DYNC1LI1: variants seen among roughly 807,000 people sequenced by gnomAD.
DYNC1LI1 encodes cytoplasmic dynein 1 light intermediate chain 1.
Under a neutral mutation model 63.8 loss-of-function variants are expected in DYNC1LI1, and 19 were observed. The observed-to-expected ratio is 0.30, with a 90% CI of 0.21 to 0.44. DYNC1LI1 has a LOEUF of 0.44. Among genes scored for constraint, DYNC1LI1 ranks in the 20% least tolerant of loss-of-function variants. The probability of loss-of-function intolerance (pLI) is 1.00; values close to 1 mark genes in which losing one functional copy is unlikely to be tolerated. For missense variants in DYNC1LI1, 565 were observed against 630.2 expected (o/e 0.90, Z 1.11); for synonymous variants, 225 against 232.3 (o/e 0.97, Z 0.28).
chr3:32,538,968 T>TTA (rs1331912416), intron 5 of DYNC1LI1, among the ~76,000 whole-genome samples: 3 of 152,216 alleles, frequency 2.0e-5, no homozygotes, highest in Admixed American at 2.0e-4. Flanking sequence ...TTTGAAAATG[T>TTA]TATGACTCTA....
chr3:32,536,961 A>T (rs375516616), intron 6 of DYNC1LI1, 50 bp downstream of exon 6: 1 of 1,093,426 alleles, frequency 9.1e-7, no homozygotes, highest in African/African-American at 1.6e-5. Flanking sequence ...TTAAAAAACT[A>T]AAACAGGTAA....
At chr3:32,562,022 C>G (rs747180747) in intron 2 of DYNC1LI1, among the ~76,000 whole-genome samples, 1 of 151,948 alleles carries the variant, frequency 6.6e-6, no homozygotes, top group African/African-American at 2.4e-5. Flanking sequence ...TACCTATAAC[C>G]CTAGCACTTT....
In DYNC1LI1 at chr3:32,570,801, G is replaced by A. The variant is rs747625900; in HGVS notation, c.-31C>T. On this transcript the variant is annotated 5_prime_UTR_variant, in exon 1 of 13. Transcript: ENST00000273130. ...TCGGGAATCACACCACTCCCGGCAAGACTAAATGTGCGAGGCGGCTGAGGC... is the reference window on the plus strand; with the variant it reads ...TCGGGAATCACACCACTCCCGGCAAAACTAAATGTGCGAGGCGGCTGAGGC... The A allele has an allele frequency of 3.8e-6, 6 of 1,588,984 alleles. No individual in the cohort carries two copies. Among genetic ancestry groups the A allele is most frequent in the African/African-American group, 2.7e-5 (2 of 73,152 alleles).
At chr3:32,556,182 T>C (rs1165265471) in intron 2 of DYNC1LI1, among the ~76,000 whole-genome samples, 1 of 152,208 alleles carries the variant, frequency 6.6e-6, no homozygotes, top group Non-Finnish European at 1.5e-5. Flanking sequence ...TCTGGAACAC[T>C]CTTCCCTTCC....
intron 1 of DYNC1LI1, 61 bp downstream of exon 1, chr3:32,570,564 C>T: frequency 1.3e-6 from 2 of 1,530,004 alleles, no homozygotes; most frequent in Non-Finnish European, 8.8e-7. Flanking sequence ...CACGGGATCC[C>T]GAGGCGTCCG....
chr3:32,554,156 CCT>C (rs1698080395), intron 2 of DYNC1LI1, among the ~76,000 whole-genome samples: 1 of 152,206 alleles, frequency 6.6e-6, no homozygotes, highest in Non-Finnish European at 1.5e-5. Context: ...TTGTGGACTT[CCT>C]CTGAGTGACA....
In DYNC1LI1 at chr3:32,538,107, CAAA is replaced by C. The variant is rs72138394; in HGVS notation, c.739-1006_739-1004del. Among the ~76,000 whole-genome samples, 81 of 43,650 alleles carry C rather than the reference CAAA, an allele frequency of 1.9e-3. 1 individual carries two copies. The highest frequency in any genetic ancestry group is 6.3e-3 in the African/African-American group (73 of 11,502). The allele number at this position is 43,650 out of a possible 152,430, so 28.6% of individuals were successfully genotyped here. A position where few individuals can be genotyped will look rare whatever the true frequency, so the allele number is the denominator to read the frequency against. ...AAATTTATATATATATATAAAATAG[CAAA>C]AAAAAAAAAAAAACCTAACAGGGTG... On this transcript the variant is annotated intron_variant, in intron 5 of 12. Transcript: ENST00000273130.
intron 4 of DYNC1LI1, among the ~76,000 whole-genome samples, chr3:32,543,908 T>A (rs1303021036): frequency 6.8e-6 from 1 of 146,824 alleles, no homozygotes; most frequent in East Asian, 2.0e-4. Flanking sequence ...CTACAAAAAA[T>A]AAAAAAAATT....
intron 4 of DYNC1LI1, among the ~76,000 whole-genome samples, chr3:32,544,539 T>G (rs955000575): frequency 5.3e-5 from 8 of 151,928 alleles, no homozygotes; most frequent in Admixed American, 2.6e-4. Flanking sequence ...GGAGGCCGAG[T>G]GGGGTGGATC....
chr3:32,562,462 C>A (rs1227287888), intron 2 of DYNC1LI1, among the ~76,000 whole-genome samples: 2 of 152,086 alleles, frequency 1.3e-5, no homozygotes, highest in African/African-American at 4.8e-5. Context: ...GCCTCAGCCT[C>A]CCAAGTAGCT....
At chr3:32,550,730 C>T (rs964569850) in intron 2 of DYNC1LI1, among the ~76,000 whole-genome samples, 1 of 152,082 alleles carries the variant, frequency 6.6e-6, no homozygotes, top group Non-Finnish European at 1.5e-5. Flanking sequence ...CTGGGACCCA[C>T]CCCCTTAGTT....
rs1397443531 is a variant in DYNC1LI1 at position 32,541,138 on chromosome 3, T to C, written c.637A>G (p.Thr213Ala). The stretch of plus-strand genomic sequence containing the variant: ...TCATCTTTGTCTTCTTGTGACGCAG[T>C]ATTTCTTCTCTGGGGAGAAGCCGGG... ...DFPASPQRRN[T>A]ASQEDKDDSV... The change falls in exon 5 of 13, where the codon ACT becomes GCT. Residue 213 changes from threonine to alanine, a missense_variant. Coordinates refer to ENST00000273130, the MANE Select transcript of DYNC1LI1 (RefSeq NM_016141.4). 6.2e-7 allele frequency: 1 copy of C among 1,613,620 alleles called. No homozygotes were observed. The highest frequency in any genetic ancestry group is 8.5e-7 in the Non-Finnish European group (1 of 1,179,650).
In DYNC1LI1 at chr3:32,526,378, A is replaced by T. The variant is rs1697617827; in HGVS notation, c.*421T>A. ...CTGTCAGCAAAACTAACAAATTTTT[A>T]AAAATGATTTTAATAGTTATAACTA... On this transcript the variant is annotated 3_prime_UTR_variant, in exon 13 of 13. Coordinates refer to ENST00000273130, the MANE Select transcript of DYNC1LI1 (RefSeq NM_016141.4). The T allele has an allele frequency of 1.3e-5, 2 of 153,314 alleles. No individual in the cohort carries two copies. Among genetic ancestry groups the T allele is most frequent in the Admixed American group, 6.5e-5 (1 of 15,368 alleles). 9.5% of individuals were successfully genotyped at this position (153,314 alleles called of 1,614,324 possible).
At chr3:32,533,438 T>C (rs988802391) in intron 7 of DYNC1LI1, among the ~76,000 whole-genome samples, 4 of 152,092 alleles carry the variant, frequency 2.6e-5, no homozygotes, top group Non-Finnish European at 4.4e-5. Flanking sequence ...GATCGCACCA[T>C]TGCATTCCAG....
chr3:32,534,765 G>A, intron 6 of DYNC1LI1, 119 bp from the exon 7 acceptor site: 9 of 751,934 alleles, frequency 1.2e-5, no homozygotes, highest in Admixed American at 3.2e-5. Flanking sequence ...TAACTCCAAA[G>A]GTATATTATA....
chr3:32,555,276 G>C (rs1278574827), intron 2 of DYNC1LI1, among the ~76,000 whole-genome samples: 1 of 152,176 alleles, frequency 6.6e-6, no homozygotes, highest in Non-Finnish European at 1.5e-5. Flanking sequence ...CCCCTCAGGG[G>C]ATTATGCAGC....
Position 32,526,176 on chromosome 3 carries a change from A to C in DYNC1LI1, c.*623T>G, listed in dbSNP as rs1306139907. 6.6e-6 allele frequency: 1 copy of C among 152,354 alleles called. No individual in the cohort carries two copies. Among genetic ancestry groups the C allele is most frequent in the Non-Finnish European group, 1.5e-5 (1 of 68,022 alleles). The allele number at this position is 152,354 out of a possible 1,614,324, so 9.4% of individuals were successfully genotyped here. A position where few individuals can be genotyped will look rare whatever the true frequency, so the allele number is the denominator to read the frequency against. On this transcript the variant is annotated 3_prime_UTR_variant, in exon 13 of 13. Transcript: ENST00000273130. ...AGGCAGTGTGCTTTCTTTTCTCCTC[A>C]GTTAAAGCAACACCTTGGCCAATAT...
chr3:32,565,694 C>G (rs1237828803), intron 2 of DYNC1LI1, among the ~76,000 whole-genome samples: 1 of 152,186 alleles, frequency 6.6e-6, no homozygotes, highest in Non-Finnish European at 1.5e-5. Context: ...ACTGCAACCT[C>G]TGCCTCCCTG....
At chr3:32,538,069 A>ATATATAATTTAT (rs1559436651) in intron 5 of DYNC1LI1, among the ~76,000 whole-genome samples, 20 of 76,582 alleles carry the variant, frequency 2.6e-4, no homozygotes, top group East Asian at 6.0e-4. Flanking sequence ...ATAATTTATT[A>ATATATAATTTAT]TATATATATA....
Sources: gnomAD v4.1 joint callset for allele counts (sites outside exome capture counted in the v4.1 genomes callset) on GRCh38, gnomAD v4.1.1 for gene constraint, MANE v1.5 for transcripts, NCBI Gene and HGNC (gene_info 2026-07-23, HGNC 2026-07-21) for gene names.